STAU1: variants seen among roughly 807,000 people sequenced by gnomAD.
STAU1 encodes the protein staufen double-stranded RNA binding protein 1.
Under a neutral mutation model 62.9 loss-of-function variants are expected in STAU1, and 13 were observed. That is an observed-to-expected ratio of 0.21 (90% CI 0.13 to 0.33). The LOEUF (loss-of-function observed/expected upper bound fraction) is 0.33. Among genes scored for constraint, STAU1 ranks in the 10% least tolerant of loss-of-function variants. The pLI, the probability that STAU1 is intolerant of heterozygous loss-of-function variation, is 1.00. For missense variants in STAU1, 571 were observed against 712.1 expected (o/e 0.80, Z 2.25); for synonymous variants, 269 against 265.1 (o/e 1.01, Z -0.14).
rs1471348384 is a variant in STAU1 at position 49,123,109 on chromosome 20, T to C, written c.949A>G (p.Arg317Gly). 1 of 1,607,318 alleles carries C rather than the reference T, an allele frequency of 6.2e-7. No homozygotes were observed. Among genetic ancestry groups the C allele is most frequent in the Non-Finnish European group, 8.5e-7 (1 of 1,176,616 alleles). The change falls in exon 8 of 14, where the codon AGG (arginine) becomes GGG (glycine). Residue 317 changes from arginine (R) to glycine (G), a missense_variant. Coordinates refer to ENST00000371856, the MANE Select transcript of STAU1 (RefSeq NM_017453.4). ...GGACCCACCTGCATCACAAACTCCC[T>C]GCGGCGCGGGAGGCCTCGCTCTGTG... ...LLTERGLPRRREFVMQVKVGN... is the reference protein window; with the variant it reads ...LLTERGLPRRGEFVMQVKVGN...
Position 49,132,140 on chromosome 20 carries a change from G to A in STAU1, c.609+3693C>T, listed in dbSNP as rs79930555. Among the ~76,000 whole-genome samples the A allele has an allele frequency of 4.4e-3, 668 of 152,102 alleles. 6 individuals carry two copies. The highest frequency in any genetic ancestry group is 0.015 in the African/African-American group (628 of 41,504). ...AAGGACCTGGCCTGCTTAGGCACCC[G>A]TGGACTGATTTTAAAGAACTCCCAT... On this transcript the variant is annotated intron_variant, in intron 6 of 13. Coordinates refer to ENST00000371856, the MANE Select transcript of STAU1 (RefSeq NM_017453.4).
Position 49,114,920 on chromosome 20 carries a change from A to C in STAU1, c.1719-27T>G, listed in dbSNP as rs375468437. 31 of 1,610,994 alleles carry C rather than the reference A, an allele frequency of 1.9e-5. No homozygotes were observed. In the Middle Eastern group the frequency reaches 4.3e-3, roughly 223 times the overall value. On this transcript the variant is annotated intron_variant, in intron 13 of 13. Transcript: ENST00000371856. The stretch of plus-strand genomic sequence containing the variant: ...TTTAAGGAAGAAAAATGAAAATGAC[A>C]CTAGTTTTGAAATGTAAGAGAATTA...
intron 7 of STAU1, among the ~76,000 whole-genome samples, chr20:49,124,148 C>G (rs757849308): frequency 3.3e-5 from 5 of 152,216 alleles, no homozygotes; most frequent in Admixed American, 6.5e-5. Flanking sequence ...TGAGCGCCCT[C>G]CTGCACAGAT....
At position 49,151,701 on chromosome 20, in the gene STAU1, G is replaced by C; in HGVS notation, c.391C>G (p.Leu131Val). 3 of 1,610,948 alleles carry C rather than the reference G, an allele frequency of 1.9e-6. No individual in the cohort carries two copies. The highest frequency in any genetic ancestry group is 2.5e-6 in the Non-Finnish European group (3 of 1,179,046). Residue 131 changes from leucine (L) to valine (V), a missense_variant, in exon 5 of 14, where the codon CTT (leucine) becomes GTT (valine). Physicochemically the swap from Leu to Val is conservative, Grantham distance 32. This residue lies in a region of STAU1 where 414 missense variants were observed against 499.6 expected (regional missense o/e 0.83). Transcript: ENST00000371856. ...TTAAATTGCTGTCCTCCCACAGAAAGTTCCACTTGATAAAGTAAAGGTGGA... is the reference window on the plus strand; with the variant it reads ...TTAAATTGCTGTCCTCCCACAGAAACTTCCACTTGATAAAGTAAAGGTGGA... The part of the protein sequence containing the change: ...PVPPLLYQVE[L>V]SVGGQQFNGK...
At chr20:49,155,186 G>A (rs1399541273) in intron 3 of STAU1, among the ~76,000 whole-genome samples, 3 of 152,122 alleles carry the variant, frequency 2.0e-5, no homozygotes, top group African/African-American at 4.8e-5. Context: ...ACTTAAAGGT[G>A]AAAAATCAGT....
the STAU1 span, among the ~76,000 whole-genome samples, chr20:49,203,785 C>G: frequency 6.6e-6 from 1 of 152,248 alleles, no homozygotes; most frequent in Non-Finnish European, 1.5e-5. Context: ...CTCCCTGGTT[C>G]AAGCAAATCC....
At chr20:49,142,245 C>A (rs1328592212) in intron 5 of STAU1, among the ~76,000 whole-genome samples, 1 of 151,984 alleles carries the variant, frequency 6.6e-6, no homozygotes, top group Non-Finnish European at 1.5e-5. Flanking sequence ...AGCCACCATG[C>A]CTGGCTAATT....
At chr20:49,152,397 G>A (rs1237763445) in intron 4 of STAU1, among the ~76,000 whole-genome samples, 2 of 138,634 alleles carry the variant, frequency 1.4e-5, no homozygotes, top group African/African-American at 5.5e-5. Flanking sequence ...AGGCTGGAGT[G>A]CAGTGGTGCG....
intron 3 of STAU1, among the ~76,000 whole-genome samples, chr20:49,156,323 C>T (rs1346207224): frequency 6.6e-6 from 1 of 152,090 alleles, no homozygotes; most frequent in African/African-American, 2.4e-5. Context: ...GATTGTCAGG[C>T]GTTAAGGCAT....
rs186180311 is a variant in STAU1, at chr20:49,166,316, G to A, written c.-84-31C>T. The A allele has an allele frequency of 5.7e-5, 52 of 911,240 alleles. 1 individual carries two copies. In the Admixed American group the frequency reaches 1.3e-3, roughly 23 times the overall value. 56.4% of individuals were successfully genotyped at this position (911,240 alleles called of 1,614,324 possible). On this transcript the variant is annotated intron_variant, in intron 2 of 13. Transcript: ENST00000371856. ...AGTTGTAAGGGAAAGAAAATAAAAA[G>A]GTAAATTATAGAGGAGATATGTAAT...
chr20:49,204,616 A>ATG, the STAU1 span, among the ~76,000 whole-genome samples: 4 of 42,178 alleles, frequency 9.5e-5, no homozygotes, highest in African/African-American at 1.8e-4. Flanking sequence ...ATATATATAT[A>ATG]TATATATGTG....
chr20:49,126,163 C>G (rs1309205280), intron 6 of STAU1, among the ~76,000 whole-genome samples: 1 of 150,936 alleles, frequency 6.6e-6, no homozygotes, highest in Non-Finnish European at 1.5e-5. Context: ...AGATATGAAA[C>G]TAAAAGCACA....
the STAU1 span, among the ~76,000 whole-genome samples, chr20:49,215,823 A>G: frequency 6.6e-6 from 1 of 151,880 alleles, no homozygotes; most frequent in Non-Finnish European, 1.5e-5. Flanking sequence ...ACTGGCCAAC[A>G]TGGTGAGACC....
chr20:49,173,905 T>C (rs925952239), intron 2 of STAU1, among the ~76,000 whole-genome samples: 1 of 152,172 alleles, frequency 6.6e-6, no homozygotes, highest in African/African-American at 2.4e-5. Context: ...CTACAAAAGA[T>C]ACTATGACCA....
At chr20:49,127,711 CAAA>C (rs952838982) in intron 6 of STAU1, among the ~76,000 whole-genome samples, 1 of 147,950 alleles carries the variant, frequency 6.8e-6, no homozygotes, top group African/African-American at 2.5e-5. Flanking sequence ...GTCTAAAAAA[CAAA>C]AAAAACTAAA....
chr20:49,199,123 G>T, the STAU1 span, among the ~76,000 whole-genome samples: 2 of 151,940 alleles, frequency 1.3e-5, no homozygotes. Context: ...TCCAGCCTGG[G>T]CAACAGAGAG....
rs183342741 is a variant in STAU1 at position 49,148,478 on chromosome 20, G to A, written c.510+3104C>T. On this transcript the variant is annotated intron_variant, in intron 5 of 13. Transcript: ENST00000371856. The stretch of plus-strand genomic sequence containing the variant: ...TCTGAAATCCAAAACACTTCTAGTC[G>A]CAAGCGTTTAGGGTAAGGGATATTC... Among the ~76,000 whole-genome samples the A allele has an allele frequency of 1.4e-3, 211 of 152,278 alleles. 1 individual carries two copies. Among genetic ancestry groups the A allele is most frequent in the Non-Finnish European group, 2.2e-4 (15 of 68,022 alleles).
chr20:49,147,141 C>T (rs1454167269), intron 5 of STAU1, among the ~76,000 whole-genome samples: 2 of 152,200 alleles, frequency 1.3e-5, no homozygotes, highest in Non-Finnish European at 2.9e-5. Flanking sequence ...GAAAAGACTG[C>T]TCTGAACTCA....
intron 5 of STAU1, among the ~76,000 whole-genome samples, chr20:49,146,705 CAA>C (rs113862517): frequency 1.7e-4 from 21 of 120,586 alleles, no homozygotes; most frequent in Admixed American, 3.5e-4. Context: ...ACCCTATCTC[CAA>C]AAAAAAAAAA....
Sources: allele counts gnomAD v4.1 joint callset (sites outside exome capture counted in the v4.1 genomes callset), GRCh38; gene constraint gnomAD v4.1.1; regional missense constraint gnomAD v4.1.1; transcripts MANE v1.5; gene names NCBI Gene and HGNC (gene_info 2026-07-23, HGNC 2026-07-21).